Variants in BNC2 observed in about 807,000 individuals in gnomAD.
BNC2 encodes the protein basonuclin zinc finger protein 2.
A neutral mutation model predicts 76.3 loss-of-function variants in BNC2; 20 were observed. The ratio of observed to expected loss-of-function variants is 0.26; its 90% confidence interval spans 0.18 to 0.38. The LOEUF is 0.38. Ranked by LOEUF, BNC2 falls within the 10% of genes least tolerant of loss-of-function variation. The probability of loss-of-function intolerance (pLI) is 1.00; values close to 1 mark genes in which losing one functional copy is unlikely to be tolerated. For synonymous variants in BNC2, 582 were observed against 514.8 expected (o/e 1.13, Z -1.77); for missense variants, 1,382 against 1,399.8 (o/e 0.99, Z 0.20).
intron 3 of BNC2, among the ~76,000 whole-genome samples, chr9:16,621,435 T>C (rs868426070): frequency 1.3e-5 from 2 of 152,146 alleles, no homozygotes; most frequent in Admixed American, 1.3e-4. Context: ...TACAAGTAAC[T>C]TGAAAATATT....
chr9:16,813,286 G>A (rs1190527797), intron 1 of BNC2, among the ~76,000 whole-genome samples: 1 of 150,318 alleles, frequency 6.7e-6, no homozygotes, highest in Non-Finnish European at 1.5e-5. Flanking sequence ...TTTGTTTTGA[G>A]ACGGAGTCTG....
intron 3 of BNC2, among the ~76,000 whole-genome samples, chr9:16,590,445 G>A (rs549960422): frequency 2.0e-4 from 30 of 151,824 alleles, no homozygotes; most frequent in South Asian, 1.0e-3. Flanking sequence ...CACCTGCCTC[G>A]GCCTCCCAAA....
At chr9:16,535,840 T>G (rs1014358475) in intron 5 of BNC2, among the ~76,000 whole-genome samples, 1 of 152,146 alleles carries the variant, frequency 6.6e-6, no homozygotes. Context: ...ACTTTAGAAG[T>G]GCCTGCACAC....
chr9:16,786,626 G>C (rs1826301385), intron 1 of BNC2, among the ~76,000 whole-genome samples: 1 of 152,174 alleles, frequency 6.6e-6, no homozygotes, highest in African/African-American at 2.4e-5. Context: ...GAGAATGCAT[G>C]CATGGGGCAA....
chr9:16,722,866 T>C (rs1044966741), intron 3 of BNC2, among the ~76,000 whole-genome samples: 1 of 152,202 alleles, frequency 6.6e-6, no homozygotes, highest in Non-Finnish European at 1.5e-5. Context: ...ATGTTATCCA[T>C]AGACCTTCAA....
chr9:16,640,602 T>C (rs750861849), intron 3 of BNC2, among the ~76,000 whole-genome samples: 1 of 152,210 alleles, frequency 6.6e-6, no homozygotes, highest in Non-Finnish European at 1.5e-5. Flanking sequence ...TGAGAAAACA[T>C]GTAGAACATA....
intron 2 of BNC2, among the ~76,000 whole-genome samples, chr9:16,737,686 G>C (rs1035447181): frequency 6.6e-6 from 1 of 152,050 alleles, no homozygotes; most frequent in African/African-American, 2.4e-5. Context: ...TTGAAACAGA[G>C]CAAATGTTCA....
chr9:16,474,904 A>C (rs1170600898), intron 5 of BNC2, among the ~76,000 whole-genome samples: 1 of 152,192 alleles, frequency 6.6e-6, no homozygotes, highest in African/African-American at 2.4e-5. Flanking sequence ...AAAGGTACTG[A>C]AAATGGCATT....
At chr9:16,801,708 T>A (rs1415340858) in intron 1 of BNC2, among the ~76,000 whole-genome samples, 1 of 139,474 alleles carries the variant, frequency 7.2e-6, no homozygotes, top group Non-Finnish European at 1.5e-5. Flanking sequence ...TGAAATATTT[T>A]ATTCTAAGAC....
At chr9:16,609,564 G>A (rs1412301294) in intron 3 of BNC2, among the ~76,000 whole-genome samples, 3 of 152,138 alleles carry the variant, frequency 2.0e-5, no homozygotes, top group African/African-American at 7.2e-5. Flanking sequence ...CTTCATCCTT[G>A]TATCTCCTAT....
chr9:16,649,236 G>C (rs1329743155), intron 3 of BNC2, among the ~76,000 whole-genome samples: 1 of 152,202 alleles, frequency 6.6e-6, no homozygotes. Flanking sequence ...TTGCAAAGCA[G>C]TGTGTGCTAT....
chr9:16,567,369 T>G (rs1056542663), intron 4 of BNC2, among the ~76,000 whole-genome samples: 1 of 152,194 alleles, frequency 6.6e-6, no homozygotes, highest in South Asian at 2.1e-4. Context: ...CAAAGTAATG[T>G]CCTTTATAAA....
chr9:16,749,873 T>A (rs9987471), intron 1 of BNC2, among the ~76,000 whole-genome samples: 1 of 152,072 alleles, frequency 6.6e-6, no homozygotes, highest in South Asian at 2.1e-4. Flanking sequence ...ACAGAAGTTA[T>A]GTTTCATCTA....
chr9:16,628,377 A>G lies in BNC2; in HGVS notation c.331-45292T>C, dbSNP rs555398289. ...ACAGTGGTAGGGAGAAAATCCACACATTCAAAAACCTTAAGTTTTCAGAAA... is the reference window on the plus strand; with the variant it reads ...ACAGTGGTAGGGAGAAAATCCACACGTTCAAAAACCTTAAGTTTTCAGAAA... On this transcript the variant is annotated intron_variant, in intron 3 of 6. Coordinates refer to ENST00000380672, the MANE Select transcript of BNC2 (RefSeq NM_017637.6). Among the ~76,000 whole-genome samples the G allele has an allele frequency of 3.3e-5, 5 of 152,340 alleles. No homozygotes were observed. The South Asian group carries it at 6.2e-4, about 19-fold the overall frequency.
intron 1 of BNC2, among the ~76,000 whole-genome samples, chr9:16,865,505 C>T (rs928523196): frequency 6.6e-6 from 1 of 152,162 alleles, no homozygotes; most frequent in East Asian, 1.9e-4. Flanking sequence ...GTGATTGCAA[C>T]TGTGAAATGG....
intron 3 of BNC2, among the ~76,000 whole-genome samples, chr9:16,586,289 C>G (rs774995529): frequency 1.3e-5 from 2 of 152,210 alleles, no homozygotes; most frequent in South Asian, 4.2e-4. Flanking sequence ...TTTCTTAAGT[C>G]TGCACCTTAT....
chr9:16,760,717 T>C (rs1043293493), intron 1 of BNC2, among the ~76,000 whole-genome samples: 9 of 152,160 alleles, frequency 5.9e-5, no homozygotes, highest in Non-Finnish European at 8.8e-5. Context: ...ATGAGTCATT[T>C]GTGAACTCAC....
chr9:16,828,840 C>G (rs1818511495), intron 1 of BNC2, among the ~76,000 whole-genome samples: 1 of 152,206 alleles, frequency 6.6e-6, no homozygotes, highest in Non-Finnish European at 1.5e-5. Flanking sequence ...TGGAATGTGT[C>G]TAGTGGCACT....
chr9:16,722,312 G>A (rs990108452), intron 3 of BNC2, among the ~76,000 whole-genome samples: 6 of 152,212 alleles, frequency 3.9e-5, no homozygotes, highest in African/African-American at 1.4e-4. Flanking sequence ...TAGTCAGGGA[G>A]GATTTGCCGT....
Sources: gnomAD v4.1 joint callset for allele counts (sites outside exome capture counted in the v4.1 genomes callset) on GRCh38, gnomAD v4.1.1 for gene constraint, MANE v1.5 for transcripts, NCBI Gene and HGNC (gene_info 2026-07-23, HGNC 2026-07-21) for gene names.